PDE4B: variants seen among roughly 807,000 people sequenced by gnomAD.
The protein encoded by PDE4B is 3',5'-cyclic-AMP phosphodiesterase 4B.
A neutral mutation model predicts 82.2 loss-of-function variants in PDE4B; 20 were observed. The observed-to-expected ratio is 0.24, with a 90% confidence interval of 0.17 to 0.35. The LOEUF (loss-of-function observed/expected upper bound fraction) is 0.35, where lower values mean the gene tolerates loss of function less well. PDE4B is among the 10% of genes least tolerant of loss of function. The pLI, the probability that PDE4B is intolerant of heterozygous loss-of-function variation, is 1.00. For synonymous variants in PDE4B, 320 were observed against 318.9 expected, an observed-to-expected ratio of 1.00 and a Z score of -0.04; for missense variants, 655 against 907.2, an observed-to-expected ratio of 0.72 and a Z score of 3.57.
At chr1:66,080,936 C>A (rs1381258760) in intron 3 of PDE4B, among the ~76,000 whole-genome samples, 1 of 152,052 alleles carries the variant, frequency 6.6e-6, no homozygotes, top group African/African-American at 2.4e-5. Flanking sequence ...CCAGTGTCTG[C>A]TGTTCCCATC....
At chr1:66,096,332 A>G (rs536637637) in intron 3 of PDE4B, among the ~76,000 whole-genome samples, 11 of 151,202 alleles carry the variant, frequency 7.3e-5, no homozygotes, top group African/African-American at 2.7e-4. Context: ...TTTACATGCA[A>G]TAAACAGTAT....
intron 3 of PDE4B, among the ~76,000 whole-genome samples, chr1:66,087,675 A>C (rs1657077595): frequency 6.6e-6 from 1 of 151,998 alleles, no homozygotes; most frequent in Non-Finnish European, 1.5e-5. Context: ...ACACCATGGA[A>C]TACTATGCAG....
At chr1:65,812,710 G>T (rs1645833958) in intron 1 of PDE4B, among the ~76,000 whole-genome samples, 2 of 152,096 alleles carry the variant, frequency 1.3e-5, no homozygotes, top group African/African-American at 2.4e-5. Context: ...CCTATCCTAG[G>T]GACTGAGGGG....
chr1:65,887,632 G>T (rs149699360), intron 1 of PDE4B, among the ~76,000 whole-genome samples: 3 of 151,058 alleles, frequency 2.0e-5, no homozygotes, highest in Non-Finnish European at 4.4e-5. Flanking sequence ...TGCCCAGGCT[G>T]GTCTCAAACT....
At chr1:66,345,102 T>A (rs1661292930) in intron 8 of PDE4B, among the ~76,000 whole-genome samples, 1 of 152,154 alleles carries the variant, frequency 6.6e-6, no homozygotes, top group Non-Finnish European at 1.5e-5. Context: ...TCTTATTGTA[T>A]CCCCATTTTC....
At chr1:65,922,776 G>A (rs535159897) in intron 3 of PDE4B, among the ~76,000 whole-genome samples, 229 of 152,246 alleles carry the variant, frequency 1.5e-3, no homozygotes, top group African/African-American at 5.2e-3. Flanking sequence ...TGAGTAAGGC[G>A]GCAGAAAGAG....
intron 7 of PDE4B, 62 bp downstream of exon 7, chr1:66,266,149 T>C (rs1475293155): frequency 8.1e-7 from 1 of 1,238,180 alleles, no homozygotes; most frequent in African/African-American, 1.5e-5. Context: ...ATGCCTCTTA[T>C]TCAGAACTGT....
chr1:66,246,596 GA>G (rs1244451448), intron 3 of PDE4B, among the ~76,000 whole-genome samples: 2 of 152,224 alleles, frequency 1.3e-5, no homozygotes, highest in Non-Finnish European at 2.9e-5. Context: ...AGGAGAATGT[GA>G]AAAGGGCACA....
intron 1 of PDE4B, among the ~76,000 whole-genome samples, chr1:65,880,603 G>A (rs1330371331): frequency 2.0e-5 from 3 of 152,198 alleles, no homozygotes; most frequent in Non-Finnish European, 4.4e-5. Context: ...CGCCCCTTCT[G>A]CTATATGAGG....
At chr1:66,041,829 T>TACACACACACACATACAC (rs1654401616) in intron 3 of PDE4B, among the ~76,000 whole-genome samples, 2 of 145,612 alleles carry the variant, frequency 1.4e-5, no homozygotes, top group Non-Finnish European at 3.0e-5. Context: ...CACACACACA[T>TACACACACACACATACAC]ACACACACAC....
chr1:65,939,735 G>A (rs751794502), intron 3 of PDE4B, among the ~76,000 whole-genome samples: 1 of 152,098 alleles, frequency 6.6e-6, no homozygotes. Context: ...ATAAGTACTA[G>A]TTGTAATTTA....
At chr1:66,015,826 G>A (rs1652743869) in intron 3 of PDE4B, among the ~76,000 whole-genome samples, 1 of 152,180 alleles carries the variant, frequency 6.6e-6, no homozygotes, top group Non-Finnish European at 1.5e-5. Context: ...TTGGACACCT[G>A]AAGTTGGCAG....
intron 10 of PDE4B, 37 bp downstream of exon 10, chr1:66,361,830 T>C: frequency 6.5e-7 from 1 of 1,538,440 alleles, no homozygotes; most frequent in Non-Finnish European, 8.9e-7. Flanking sequence ...TGTAGCTCTC[T>C]GCTTTACAGC....
chr1:65,997,528 G>T (rs1365022781), intron 3 of PDE4B, among the ~76,000 whole-genome samples: 1 of 152,140 alleles, frequency 6.6e-6, no homozygotes, highest in African/African-American at 2.4e-5. Flanking sequence ...CTGCCGACAT[G>T]CTTGCTGTAT....
intron 8 of PDE4B, among the ~76,000 whole-genome samples, chr1:66,339,577 C>G (rs1431744053): frequency 6.6e-6 from 1 of 152,122 alleles, no homozygotes; most frequent in African/African-American, 2.4e-5. Context: ...AGGACATTGC[C>G]TTTGATTGTT....
rs184856660 is a variant in PDE4B at position 66,286,997 on chromosome 1, T to C, written c.634+20910T>C. On this transcript the variant is annotated intron_variant, in intron 7 of 16. Transcript: ENST00000341517. ...TTAGCTGTTATAAGAATTCAGCCAG[T>C]CACAACACATTCAAAATGCCATTAT... 3.0e-4 allele frequency among the ~76,000 whole-genome samples: 45 copies of C among 152,246 alleles called. No individual in the cohort carries two copies. The East Asian group carries it at 6.6e-3, about 22-fold the overall frequency.
intron 1 of PDE4B, among the ~76,000 whole-genome samples, chr1:65,840,306 T>C (rs1402697541): frequency 6.6e-6 from 1 of 152,134 alleles, no homozygotes; most frequent in Non-Finnish European, 1.5e-5. Flanking sequence ...TTGCACACTT[T>C]AAAATAACTG....
intron 3 of PDE4B, among the ~76,000 whole-genome samples, chr1:66,152,903 G>C (rs1646432066): frequency 6.6e-6 from 1 of 152,132 alleles, no homozygotes; most frequent in Non-Finnish European, 1.5e-5. Context: ...AAGGTCTTCA[G>C]CTGAGCAGGA....
At chr1:65,977,057 A>G (rs1569867162) in intron 3 of PDE4B, among the ~76,000 whole-genome samples, 2 of 152,216 alleles carry the variant, frequency 1.3e-5, no homozygotes, top group African/African-American at 4.8e-5. Context: ...GCTACCTTGT[A>G]GCCCTGTAAA....
Sources: allele counts gnomAD v4.1 joint callset (sites outside exome capture counted in the v4.1 genomes callset), GRCh38; gene constraint gnomAD v4.1.1; transcripts MANE v1.5; gene names NCBI Gene and HGNC (gene_info 2026-07-23, HGNC 2026-07-21).